The following SECISBP2L variants were observed in gnomAD, a reference collection of about 807,000 sequenced individuals.
The protein encoded by SECISBP2L is selenocysteine insertion sequence-binding protein 2-like.
SECISBP2L carries 43 observed loss-of-function variants against 114.7 expected under a neutral mutation model. The observed-to-expected ratio is 0.38, with a 90% CI of 0.29 to 0.48. The LOEUF (loss-of-function observed/expected upper bound fraction) is 0.48. Ranked by LOEUF, SECISBP2L falls within the 20% of genes least tolerant of loss-of-function variation. The pLI, the probability that SECISBP2L is intolerant of heterozygous loss-of-function variation, is 0.98. For missense variants in SECISBP2L, 1,136 were observed against 1,301.1 expected (o/e 0.87, Z 1.95); for synonymous variants, 451 against 439.7 (o/e 1.03, Z -0.32).
At chr15:49,029,003 C>T (rs1902826375) in intron 4 of SECISBP2L, among the ~76,000 whole-genome samples, 1 of 152,000 alleles carries the variant, frequency 6.6e-6, no homozygotes, top group South Asian at 2.1e-4. Context: ...GGACTACAGG[C>T]ACGCACCACC....
intron 15 of SECISBP2L, 122 bp downstream of exon 15, chr15:49,000,755 T>C: frequency 1.3e-6 from 1 of 741,216 alleles, no homozygotes; most frequent in Non-Finnish European, 2.1e-6. Context: ...TTTTCTTTTC[T>C]CATGCTCCAA....
chr15:48,989,673 T>A lies in SECISBP2L; in HGVS notation c.*2571A>T, dbSNP rs1397053289. The A allele has an allele frequency of 6.6e-6, 1 of 152,232 alleles. No individual in the cohort carries two copies. The highest frequency in any genetic ancestry group is 1.5e-5 in the Non-Finnish European group (1 of 68,024). The allele number at this position is 152,232 out of a possible 1,614,324, so 9.4% of individuals were successfully genotyped here. A position where few individuals can be genotyped will look rare whatever the true frequency, so the allele number is the denominator to read the frequency against. The stretch of plus-strand genomic sequence containing the variant: ...TACATACTGAAATAGAAATCTATTA[T>A]TAATTATTGCCAGTAAAACCACCTC... On this transcript the variant is annotated 3_prime_UTR_variant, in exon 18 of 18. Coordinates refer to ENST00000559471, the MANE Select transcript of SECISBP2L (RefSeq NM_001193489.2).
chr15:49,041,426 A>G (rs1206903093), intron 1 of SECISBP2L, among the ~76,000 whole-genome samples: 2 of 152,248 alleles, frequency 1.3e-5, no homozygotes, highest in African/African-American at 4.8e-5. Flanking sequence ...GTTATTTAAA[A>G]GAGTTTATTA....
intron 14 of SECISBP2L, among the ~76,000 whole-genome samples, chr15:49,004,425 T>C (rs948465074): frequency 6.6e-6 from 1 of 152,210 alleles, no homozygotes; most frequent in African/African-American, 2.4e-5. Flanking sequence ...TGTGTCTCTA[T>C]CTCCTTCAGT....
At chr15:49,031,032 A>C (rs544173829) in intron 4 of SECISBP2L, among the ~76,000 whole-genome samples, 13 of 82,760 alleles carry the variant, frequency 1.6e-4, no homozygotes, top group African/African-American at 5.0e-4. Flanking sequence ...AAGACTTATC[A>C]TTTTCTTTTT....
chr15:49,043,834 C>A (rs1595799355), intron 1 of SECISBP2L, among the ~76,000 whole-genome samples: 1 of 151,606 alleles, frequency 6.6e-6, no homozygotes, highest in Admixed American at 6.6e-5. Flanking sequence ...CACTGTATTC[C>A]CAGTAAGTTA....
chr15:49,024,168 A>C (rs942917821), intron 7 of SECISBP2L, among the ~76,000 whole-genome samples: 1 of 152,162 alleles, frequency 6.6e-6, no homozygotes, highest in East Asian at 1.9e-4. Context: ...AAAATATGAT[A>C]AACTGAACAA....
intron 2 of SECISBP2L, among the ~76,000 whole-genome samples, chr15:49,035,953 G>A (rs980089260): frequency 6.6e-6 from 1 of 152,122 alleles, no homozygotes; most frequent in African/African-American, 2.4e-5. Context: ...AGATATTTCT[G>A]CCTAAAAGTT....
intron 13 of SECISBP2L, among the ~76,000 whole-genome samples, chr15:49,011,116 C>T (rs984820767): frequency 6.6e-6 from 1 of 152,012 alleles, no homozygotes; most frequent in African/African-American, 2.4e-5. Context: ...ATGTGTAAAC[C>T]AGATTTAAAT....
intron 14 of SECISBP2L, among the ~76,000 whole-genome samples, chr15:49,002,304 T>C (rs140527563): frequency 7.2e-6 from 1 of 139,522 alleles, no homozygotes; most frequent in East Asian, 2.6e-4. Context: ...ATGGGGTTGT[T>C]TTTTCTTATA....
intron 1 of SECISBP2L, 57 bp downstream of exon 1, chr15:49,046,219 G>C (rs1219511792): frequency 1.9e-6 from 3 of 1,557,652 alleles, no homozygotes; most frequent in Middle Eastern, 2.2e-4. Flanking sequence ...GGCCTGGCCT[G>C]TGAGGAAGCG....
intron 1 of SECISBP2L, among the ~76,000 whole-genome samples, chr15:49,038,529 T>C (rs1428054862): frequency 2.6e-5 from 4 of 151,890 alleles, no homozygotes; most frequent in African/African-American, 9.7e-5. Context: ...GGATAGGAAT[T>C]ATTCTTAGCA....
At position 49,040,527 on chromosome 15, in the gene SECISBP2L, C is replaced by CTTTTTTTTT. The variant is rs66527715; in HGVS notation, c.25-2767_25-2759dup. On this transcript the variant is annotated intron_variant, in intron 1 of 17. Transcript: ENST00000559471. ...AGGAGTGTTATGATCCCAAACTATT[C>CTTTTTTTTT]TTTTTTTTTTTTTTTTTTTTTTTTT... 7.4e-4 allele frequency among the ~76,000 whole-genome samples: 47 copies of CTTTTTTTTT among 63,188 alleles called. 13 individuals carry two copies. The highest frequency in any genetic ancestry group is 1.1e-3 in the Non-Finnish European group (40 of 36,432). The allele number at this position is 63,188 out of a possible 152,430, so 41.5% of individuals were successfully genotyped here.
chr15:49,019,739 G>T (rs1902604803), intron 7 of SECISBP2L, 187 bp from the exon 8 acceptor site: 3 of 427,462 alleles, frequency 7.0e-6, no homozygotes, highest in Admixed American at 9.0e-5. Flanking sequence ...ATAGAAAAAT[G>T]AGACAATTAA....
chr15:48,995,708 G>T (rs1030191992), intron 17 of SECISBP2L, among the ~76,000 whole-genome samples: 1 of 152,048 alleles, frequency 6.6e-6, no homozygotes. Context: ...ATAAGGCAAA[G>T]AAACTACTGA....
chr15:49,005,142 C>T (rs749842784), intron 14 of SECISBP2L, among the ~76,000 whole-genome samples: 1 of 152,132 alleles, frequency 6.6e-6, no homozygotes, highest in East Asian at 1.9e-4. Flanking sequence ...CCAGCCTGGC[C>T]AACATGGCGA....
At chr15:49,010,154 C>CACACACACACA (rs3220511) in intron 13 of SECISBP2L, among the ~76,000 whole-genome samples, 18 of 150,064 alleles carry the variant, frequency 1.2e-4, no homozygotes, top group East Asian at 2.0e-4. Context: ...CACACACACA[C>CACACACACACA]CCCTCTTGCC....
At chr15:49,041,066 T>C (rs1010181829) in intron 1 of SECISBP2L, among the ~76,000 whole-genome samples, 7 of 152,156 alleles carry the variant, frequency 4.6e-5, no homozygotes, top group African/African-American at 1.7e-4. Context: ...CAAGATCTAT[T>C]TTTTAGGAAT....
At chr15:49,039,856 AC>A (rs1229231558) in intron 1 of SECISBP2L, among the ~76,000 whole-genome samples, 1 of 152,140 alleles carries the variant, frequency 6.6e-6, no homozygotes, top group Non-Finnish European at 1.5e-5. Flanking sequence ...GTTCTTTACG[AC>A]ATATGAGAAC....
Sources: gnomAD v4.1 joint callset for allele counts (sites outside exome capture counted in the v4.1 genomes callset) on GRCh38, gnomAD v4.1.1 for gene constraint, MANE v1.5 for transcripts, NCBI Gene and HGNC (gene_info 2026-07-23, HGNC 2026-07-21) for gene names.